Variants in PKD1L1 observed in about 807,000 individuals in gnomAD.
PKD1L1 encodes the protein polycystin-1-like protein 1.
In PKD1L1, 236 loss-of-function variants were observed where a neutral mutation model predicts 323.4. The ratio of observed to expected loss-of-function variants is 0.73; its 90% confidence interval spans 0.66 to 0.81. The LOEUF is 0.81. Ranked by LOEUF, PKD1L1 falls within the 40% of genes least tolerant of loss-of-function variation. The pLI is 0.00. For missense variants in PKD1L1, 3,320 were observed against 3,508.0 expected (o/e 0.95, Z 1.35); for synonymous variants, 1,344 against 1,335.0 (o/e 1.01, Z -0.15).
intron 15 of PKD1L1, among the ~76,000 whole-genome samples, chr7:47,892,856 A>C (rs1184429669): frequency 6.6e-6 from 1 of 151,876 alleles, no homozygotes; most frequent in Non-Finnish European, 1.5e-5. Context: ...GGGGTAGGGG[A>C]GGTGGTGTGG....
the PKD1L1 span, among the ~76,000 whole-genome samples, chr7:47,959,511 G>A: frequency 3.4e-5 from 5 of 148,412 alleles, no homozygotes; most frequent in Non-Finnish European, 3.0e-5. Context: ...CTACCCGGCC[G>A]CGACCCCGTC....
chr7:47,806,166 G>A (rs562147732), intron 52 of PKD1L1, among the ~76,000 whole-genome samples: 12 of 152,174 alleles, frequency 7.9e-5, no homozygotes, highest in African/African-American at 2.9e-4. Context: ...TCAGTATGTA[G>A]ACCAGATTCA....
chr7:47,805,217 AAG>A (rs1784753183), intron 52 of PKD1L1, among the ~76,000 whole-genome samples: 4 of 152,234 alleles, frequency 2.6e-5, no homozygotes, highest in Admixed American at 2.6e-4. Context: ...CACATGGTCA[AAG>A]AGGAGCTGGG....
chr7:47,891,394 C>A (rs1414960655), intron 15 of PKD1L1, among the ~76,000 whole-genome samples: 1 of 152,220 alleles, frequency 6.6e-6, no homozygotes, highest in Non-Finnish European at 1.5e-5. Context: ...CAGTCTTGCT[C>A]TAGCAGGGAT....
chr7:47,887,992 T>C lies in PKD1L1; in HGVS notation c.2834A>G (p.Glu945Gly), dbSNP rs746707525. ...LVNATEKNRI[E>G]VPFCRVVGLL... ...ATAAAGCTATTAATCCTTTTTACCT[T>C]CTATCCTATTCTTTTCTGTTGCATT... Residue 945 changes from glutamate (E) to glycine (G), a missense_variant and splice_region_variant, in exon 17 of 57, where the codon GAA (glutamate) becomes GGA (glycine). Glu to Gly is a moderately conservative substitution (Grantham distance 98). Coordinates refer to ENST00000289672, the MANE Select transcript of PKD1L1 (RefSeq NM_138295.5). 4 of 1,610,362 alleles carry C rather than the reference T, an allele frequency of 2.5e-6. No homozygotes were observed. In the Admixed American group the frequency reaches 6.7e-5, roughly 27 times the overall value.
At position 47,829,550 on chromosome 7, in the gene PKD1L1, A is replaced by C. The variant is rs1785301830; in HGVS notation, c.6610T>G (p.Phe2204Val). Residue 2204 changes from phenylalanine (F) to valine (V), a missense_variant, in exon 44 of 57, where the codon TTT becomes GTT. Physicochemically the swap from Phe to Val is conservative, Grantham distance 50 (BLOSUM62 -1). Transcript: ENST00000289672. Reference protein sequence around the residue: ...FAWKRRADNHFFTESLCEATR... With the variant: ...FAWKRRADNHVFTESLCEATR... ...GCCTCACATAAAGACTCAGTAAAAA[A>C]GTGGTTGTCAGCTCTTCTTTTCCAA... The C allele has an allele frequency of 1.2e-6, 2 of 1,613,558 alleles. No individual in the cohort carries two copies. The highest frequency in any genetic ancestry group is 2.2e-5 in the East Asian group (1 of 44,888).
rs537917687 is a variant in PKD1L1, at chr7:47,881,974, A to C, written c.3377T>G (p.Val1126Gly). 1,062 of 1,614,060 alleles carry C rather than the reference A, an allele frequency of 6.6e-4. 18 individuals are homozygous for C. In the South Asian group the frequency reaches 0.011, roughly 17 times the overall value. Residue 1126 changes from valine to glycine, a missense_variant, in exon 20 of 57, where the codon GTC becomes GGC. By Grantham distance (109) the Val-to-Gly change is moderately radical. Coordinates refer to ENST00000289672, the MANE Select transcript of PKD1L1 (RefSeq NM_138295.5). ...GGCCTTGGGCCAGTCAATCATGAGGACAGGCTCGGCTCTGCCTGCAGACAG... is the reference window on the plus strand; with the variant it reads ...GGCCTTGGGCCAGTCAATCATGAGGCCAGGCTCGGCTCTGCCTGCAGACAG... ...PSLSAGRAEP[V>G]LMIDWPKALL...
At chr7:47,853,574 C>G (rs1336972008) in intron 30 of PKD1L1, among the ~76,000 whole-genome samples, 5 of 152,082 alleles carry the variant, frequency 3.3e-5, no homozygotes, top group African/African-American at 1.2e-4. Context: ...GAAACCCCAT[C>G]TCTACTTAAA....
Position 47,835,219 on chromosome 7 carries a change from G to C in PKD1L1, c.5968C>G (p.Leu1990Val), listed in dbSNP as rs1785432694. 6.3e-7 allele frequency: 1 copy of C among 1,590,576 alleles called. No homozygotes were observed. Among genetic ancestry groups the C allele is most frequent in the South Asian group, 1.2e-5 (1 of 85,826 alleles). Residue 1990 changes from leucine (L) to valine (V), a missense_variant, in exon 38 of 57, where the codon CTT becomes GTT. Transcript: ENST00000289672. ...AGGAGACCCACCCTGAAGGATCCAAGGGTGGGGCTGACGTCCAAGTGGGGC... is the reference window on the plus strand; with the variant it reads ...AGGAGACCCACCCTGAAGGATCCAACGGTGGGGCTGACGTCCAAGTGGGGC... The part of the protein sequence containing the change: ...EQPHLDVSPT[L>V]GSFRVGLLCT...
intron 8 of PKD1L1, among the ~76,000 whole-genome samples, chr7:47,912,815 CAAAAA>C (rs59792729): frequency 1.6e-5 from 1 of 63,638 alleles, no homozygotes; most frequent in African/African-American, 6.7e-5. Flanking sequence ...GACTGTGTCT[CAAAAA>C]AAAAAAAAAA....
intron 26 of PKD1L1, 82 bp downstream of exon 26, chr7:47,865,134 A>G: frequency 1.0e-6 from 1 of 962,008 alleles, no homozygotes; most frequent in Non-Finnish European, 1.6e-6. Flanking sequence ...ATGATTCTGG[A>G]CAGTGTATTT....
At position 47,876,334 on chromosome 7, in the gene PKD1L1, G is replaced by C; in HGVS notation, c.3664-117C>G. The C allele has an allele frequency of 2.4e-6, 3 of 1,229,656 alleles. No individual in the cohort carries two copies. The Admixed American group carries it at 6.0e-5, about 24-fold the overall frequency. The allele number at this position is 1,229,656 out of a possible 1,614,324, so 76.2% of individuals were successfully genotyped here. A position where few individuals can be genotyped will look rare whatever the true frequency, so the allele number is the denominator to read the frequency against. ...TACCAAGGACATTCTTTACAGCCAG[G>C]AAGAGGGTAAGTGACAGGTAAGCAG... On this transcript the variant is annotated intron_variant, in intron 22 of 56. Coordinates refer to ENST00000289672, the MANE Select transcript of PKD1L1 (RefSeq NM_138295.5).
chr7:47,858,586 T>C, intron 27 of PKD1L1, 87 bp downstream of exon 27: 1 of 1,246,052 alleles, frequency 8.0e-7, no homozygotes, highest in Non-Finnish European at 1.2e-6. Flanking sequence ...ATTCTGTTTT[T>C]GGTTTTGAGA....
chr7:47,788,726 G>A (rs543860302), intron 56 of PKD1L1, among the ~76,000 whole-genome samples: 1 of 151,710 alleles, frequency 6.6e-6, no homozygotes, highest in African/African-American at 2.4e-5. Context: ...CTTCCAAGTA[G>A]CTGGGAATAC....
intron 56 of PKD1L1, among the ~76,000 whole-genome samples, chr7:47,781,469 C>T (rs1283858769): frequency 2.1e-5 from 3 of 141,154 alleles, no homozygotes; most frequent in Non-Finnish European, 4.5e-5. Context: ...AGTGCAGTGG[C>T]GTGATCTTGG....
rs1786741120 is a variant in PKD1L1 at position 47,783,464 on chromosome 7, C to T, written c.8527-8298G>A. Among the ~76,000 whole-genome samples, 8 of 152,312 alleles carry T rather than the reference C, an allele frequency of 5.3e-5. No homozygotes were observed. In the South Asian group the frequency reaches 1.7e-3, roughly 32 times the overall value. ...CTATAATACTTTCTTCAAATATTTA[C>T]ATTTGCTTAAATGTATTTGTTTTGG... On this transcript the variant is annotated intron_variant, in intron 56 of 56. Coordinates refer to ENST00000289672, the MANE Select transcript of PKD1L1 (RefSeq NM_138295.5).
At position 47,834,844 on chromosome 7, in the gene PKD1L1, C is replaced by T. The variant is rs184542367; in HGVS notation, c.6127+123G>A. On this transcript the variant is annotated intron_variant, in intron 39 of 56. Coordinates refer to ENST00000289672, the MANE Select transcript of PKD1L1 (RefSeq NM_138295.5). Reference sequence around the variant, plus strand: ...TGACTTTTACACACATTAAATGATGCTCAATGTTACTCATAATAAACATAA... The same window carrying T: ...TGACTTTTACACACATTAAATGATGTTCAATGTTACTCATAATAAACATAA... 1.2e-3 allele frequency: 929 copies of T among 774,458 alleles called. 5 individuals are homozygous for T. The highest frequency in any genetic ancestry group is 1.6e-3 in the Non-Finnish European group (752 of 479,748). The allele number at this position is 774,458 out of a possible 1,614,324, so 48.0% of individuals were successfully genotyped here.
chr7:47,870,430 T>A (rs565632678), intron 24 of PKD1L1, among the ~76,000 whole-genome samples: 10 of 152,168 alleles, frequency 6.6e-5, no homozygotes, highest in Admixed American at 2.0e-4. Context: ...GAAATTGATA[T>A]CTCTACTGAC....
chr7:47,823,567 T>A (rs960286153), intron 45 of PKD1L1, among the ~76,000 whole-genome samples: 2 of 152,190 alleles, frequency 1.3e-5, no homozygotes, highest in African/African-American at 4.8e-5. Context: ...CAGATTAAGA[T>A]TGGACTGTTT....
Sources: allele counts gnomAD v4.1 joint callset (sites outside exome capture counted in the v4.1 genomes callset), GRCh38; gene constraint gnomAD v4.1.1; transcripts MANE v1.5; gene names NCBI Gene and HGNC (gene_info 2026-07-23, HGNC 2026-07-21).